The following ARFGEF2 variants were observed in gnomAD, a reference collection of about 807,000 sequenced individuals.
ARFGEF2 encodes the protein ARF guanine nucleotide exchange factor 2, also known as brefeldin A-inhibited guanine nucleotide-exchange protein 2.
ARFGEF2 carries 74 observed loss-of-function variants against 219.9 expected under a neutral mutation model. That is an observed-to-expected ratio of 0.34 (90% confidence interval 0.28 to 0.41). ARFGEF2 has a LOEUF of 0.41. ARFGEF2 is among the 10% of genes least tolerant of loss of function. ARFGEF2 has a pLI of 1.00. For synonymous variants in ARFGEF2, 733 were observed against 799.2 expected (o/e 0.92, Z 1.40); for missense variants, 1,743 against 2,218.3 (o/e 0.79, Z 4.30).
At chr20:48,946,478 TA>T (rs1555807687) in intron 3 of ARFGEF2, among the ~76,000 whole-genome samples, 3 of 22,822 alleles carry the variant, frequency 1.3e-4, no homozygotes, top group African/African-American at 4.1e-4. Flanking sequence ...ATATCAATTT[TA>T]TATATATATA....
At chr20:48,935,043 C>T (rs536099920) in intron 1 of ARFGEF2, among the ~76,000 whole-genome samples, 109 of 152,312 alleles carry the variant, frequency 7.2e-4, no homozygotes, top group Non-Finnish European at 1.4e-3. Context: ...TAATGATTGC[C>T]ATTCTAACTG....
At chr20:49,008,167 G>A (rs1333623183) in intron 26 of ARFGEF2, among the ~76,000 whole-genome samples, 1 of 152,152 alleles carries the variant, frequency 6.6e-6, no homozygotes, top group African/African-American at 2.4e-5. Flanking sequence ...ATATGTCACA[G>A]AAAATAGTTT....
intron 1 of ARFGEF2, among the ~76,000 whole-genome samples, chr20:48,931,302 G>A (rs1015969910): frequency 6.6e-6 from 1 of 151,946 alleles, no homozygotes; most frequent in Non-Finnish European, 1.5e-5. Flanking sequence ...GGAGAGGTTT[G>A]GTAATGCAGA....
chr20:48,964,145 A>T (rs1440015664), intron 7 of ARFGEF2, among the ~76,000 whole-genome samples: 1 of 152,208 alleles, frequency 6.6e-6, no homozygotes, highest in Non-Finnish European at 1.5e-5. Flanking sequence ...GCGGTGGCTC[A>T]TGCCTGTAAT....
At chr20:48,977,375 A>G (rs1457158496) in intron 14 of ARFGEF2, among the ~76,000 whole-genome samples, 1 of 152,186 alleles carries the variant, frequency 6.6e-6, no homozygotes, top group Non-Finnish European at 1.5e-5. Context: ...CCAGTCTACA[A>G]TTGATGGACA....
intron 38 of ARFGEF2, among the ~76,000 whole-genome samples, chr20:49,032,748 TGCCC>T (rs2091644137): frequency 1.3e-5 from 2 of 151,924 alleles, no homozygotes; most frequent in Non-Finnish European, 1.5e-5. Context: ...CGCGCCACTA[TGCCC>T]AGCTAAGTTT....
chr20:49,018,392 T>C (rs2091544318), intron 33 of ARFGEF2, among the ~76,000 whole-genome samples: 1 of 152,048 alleles, frequency 6.6e-6, no homozygotes, highest in African/African-American at 2.4e-5. Flanking sequence ...CCCGCCACCA[T>C]GTCCAGCTAA....
At chr20:48,972,822 G>T (rs958438384) in intron 11 of ARFGEF2, among the ~76,000 whole-genome samples, 5 of 152,196 alleles carry the variant, frequency 3.3e-5, no homozygotes, top group African/African-American at 1.2e-4. Flanking sequence ...CATCCTGCTT[G>T]TCTGGCATCA....
chr20:48,996,766 C>T (rs1158910355), intron 23 of ARFGEF2, among the ~76,000 whole-genome samples: 6 of 149,078 alleles, frequency 4.0e-5, no homozygotes, highest in Non-Finnish European at 7.4e-5. Flanking sequence ...AAAAGCCTAC[C>T]CATGAATGAG....
At chr20:48,987,221 C>G (rs2091331579) in intron 16 of ARFGEF2, among the ~76,000 whole-genome samples, 1 of 152,150 alleles carries the variant, frequency 6.6e-6, no homozygotes, top group East Asian at 1.9e-4. Flanking sequence ...ACCTGGGAGC[C>G]TTGGTCTGTT....
intron 6 of ARFGEF2, among the ~76,000 whole-genome samples, chr20:48,956,996 A>G (rs544159288): frequency 3.9e-5 from 6 of 152,216 alleles, no homozygotes; most frequent in South Asian, 4.2e-4. Context: ...CATGCTCCCT[A>G]TTTAACTGGA....
intron 18 of ARFGEF2, among the ~76,000 whole-genome samples, 161 bp downstream of exon 18, chr20:48,988,823 G>GTCAC (rs2091341284): frequency 6.6e-6 from 1 of 152,214 alleles, no homozygotes; most frequent in Non-Finnish European, 1.5e-5. Context: ...CTTTTATAAT[G>GTCAC]TCACTGTCTT....
intron 13 of ARFGEF2, 26 bp downstream of exon 13, chr20:48,974,900 A>G (rs778335332): frequency 5.1e-6 from 8 of 1,574,812 alleles, no homozygotes; most frequent in Non-Finnish European, 7.0e-6. Flanking sequence ...TGCCACACCC[A>G]CCTCCATTCA....
Position 49,016,381 on chromosome 20 carries a change from T to C in ARFGEF2, c.4281T>C (p.Asp1427=). 1 of 1,613,782 alleles carries C rather than the reference T, an allele frequency of 6.2e-7. No homozygotes were observed. Among genetic ancestry groups the C allele is most frequent in the Non-Finnish European group, 8.5e-7 (1 of 1,179,968 alleles). The change falls in exon 31 of 39, where the codon GAT becomes GAC. Residue 1427 remains aspartate (D), a synonymous_variant. Transcript: ENST00000371917. ...YEALNEVLLS[D]VFAQLQWCVK... ...CTTTGAATGAAGTTCTTCTTTCTGA[T>C]GTATTTGCACAATTGCAGTGGTGTG...
At chr20:48,950,158 C>G (rs2091056445) in intron 3 of ARFGEF2, among the ~76,000 whole-genome samples, 1 of 152,142 alleles carries the variant, frequency 6.6e-6, no homozygotes, top group Non-Finnish European at 1.5e-5. Flanking sequence ...TGAGGTGGCA[C>G]AGACCAATTT....
chr20:49,004,528 G>A (rs1421410343), intron 25 of ARFGEF2, among the ~76,000 whole-genome samples: 10 of 151,878 alleles, frequency 6.6e-5, no homozygotes, highest in African/African-American at 2.2e-4. Context: ...TAGGTTGGGC[G>A]CGGTGGCTCA....
Position 49,033,643 on chromosome 20 carries a change from T to C in ARFGEF2, c.*444T>C. On this transcript the variant is annotated 3_prime_UTR_variant, in exon 39 of 39. Transcript: ENST00000371917. ...AACTGCCACCTAAAATATGCTGGGT[T>C]TTCTGTTGTTTGAGTGTGTTAGAGA... 5.8e-6 allele frequency: 1 copy of C among 173,502 alleles called. No individual in the cohort carries two copies. The highest frequency in any genetic ancestry group is 1.4e-4 in the South Asian group (1 of 7,364). The allele number at this position is 173,502 out of a possible 1,614,324, so 10.7% of individuals were successfully genotyped here.
chr20:48,946,532 T>C (rs1312687852), intron 3 of ARFGEF2, among the ~76,000 whole-genome samples: 2 of 151,276 alleles, frequency 1.3e-5, no homozygotes, highest in Middle Eastern at 3.2e-3. Context: ...AGATAGGTAT[T>C]TTTTAGAGAA....
intron 28 of ARFGEF2, among the ~76,000 whole-genome samples, chr20:49,012,323 G>A (rs550549840): frequency 6.6e-6 from 1 of 152,300 alleles, no homozygotes; most frequent in East Asian, 1.9e-4. Context: ...AATTGTTTTT[G>A]TAGAAGTTAG....
Sources: allele counts gnomAD v4.1 joint callset (sites outside exome capture counted in the v4.1 genomes callset), GRCh38; gene constraint gnomAD v4.1.1; transcripts MANE v1.5; gene names NCBI Gene and HGNC (gene_info 2026-07-23, HGNC 2026-07-21).